Variants in KCNQ3 observed in about 807,000 individuals in gnomAD.
The protein encoded by KCNQ3 is potassium voltage-gated channel subfamily Q member 3.
Under a neutral mutation model 92.5 loss-of-function variants are expected in KCNQ3, and 30 were observed. The observed-to-expected ratio is 0.32, with a 90% CI of 0.24 to 0.44. The LOEUF (loss-of-function observed/expected upper bound fraction) is 0.44. KCNQ3 is among the 20% of genes least tolerant of loss of function. The probability of loss-of-function intolerance (pLI) is 1.00; values close to 1 mark genes in which losing one functional copy is unlikely to be tolerated. For missense variants in KCNQ3, 913 were observed against 1,140.3 expected (o/e 0.80, Z 2.87); for synonymous variants, 450 against 468.8 (o/e 0.96, Z 0.52).
At chr8:132,147,681 G>A (rs1295976385) in intron 9 of KCNQ3, among the ~76,000 whole-genome samples, 3 of 152,134 alleles carry the variant, frequency 2.0e-5, no homozygotes, top group Non-Finnish European at 4.4e-5. Flanking sequence ...GATGGATAAT[G>A]GATATATGGA....
intron 1 of KCNQ3, among the ~76,000 whole-genome samples, chr8:132,221,767 C>G (rs1265460189): frequency 2.6e-5 from 4 of 152,154 alleles, no homozygotes; most frequent in Non-Finnish European, 4.4e-5. Flanking sequence ...CACCACACAT[C>G]TACAACCATC....
At position 132,480,637 on chromosome 8, in the gene KCNQ3, A is replaced by T; in HGVS notation, c.-105T>A. On this transcript the variant is annotated 5_prime_UTR_variant, in exon 1 of 15. Coordinates refer to ENST00000388996, the MANE Select transcript of KCNQ3 (RefSeq NM_004519.4). ...CGGCGGCGGCGGCTGCAAGCCCGGG[A>T]ACTCCAATGCCATGATCCGCGCGCC... The T allele has an allele frequency of 8.7e-7, 1 of 1,148,596 alleles. No individual in the cohort carries two copies. 71.2% of individuals were successfully genotyped at this position (1,148,596 alleles called of 1,614,324 possible).
intron 1 of KCNQ3, among the ~76,000 whole-genome samples, chr8:132,409,672 G>A (rs768366228): frequency 2.6e-5 from 4 of 152,126 alleles, no homozygotes; most frequent in Non-Finnish European, 5.9e-5. Context: ...GTTGAATACT[G>A]AACACCTCAC....
rs945587124 is a variant in KCNQ3 at position 132,187,701 on chromosome 8, A to G, written c.387-1520T>C. On this transcript the variant is annotated intron_variant, in intron 1 of 14. Transcript: ENST00000388996. The stretch of plus-strand genomic sequence containing the variant: ...TGGTGATTATGATGGTTGTGATGAT[A>G]GTGGTGGTGGTGGTGGTGATGGTGG... Among the ~76,000 whole-genome samples, 264 of 65,532 alleles carry G rather than the reference A, an allele frequency of 4.0e-3. 6 individuals are homozygous for G. Among genetic ancestry groups the G allele is most frequent in the Non-Finnish European group, 5.6e-3 (179 of 32,128 alleles). 43.0% of individuals were successfully genotyped at this position (65,532 alleles called of 152,430 possible).
chr8:132,352,977 A>C (rs1818917359), intron 1 of KCNQ3, among the ~76,000 whole-genome samples: 1 of 152,226 alleles, frequency 6.6e-6, no homozygotes, highest in African/African-American at 2.4e-5. Flanking sequence ...TTTTAATCCC[A>C]GCACTTTGGG....
intron 1 of KCNQ3, among the ~76,000 whole-genome samples, chr8:132,290,390 C>T (rs772208532): frequency 2.2e-4 from 33 of 152,280 alleles, no homozygotes; most frequent in Non-Finnish European, 4.6e-4. Context: ...ATCTCAAGAA[C>T]AACGAAACTC....
At chr8:132,135,417 C>A (rs764876553) in intron 12 of KCNQ3, among the ~76,000 whole-genome samples, 6 of 152,044 alleles carry the variant, frequency 3.9e-5, no homozygotes, top group Non-Finnish European at 7.4e-5. Context: ...AGACTATGCA[C>A]CCTGAAACAG....
chr8:132,333,468 G>A (rs368032671), intron 1 of KCNQ3, among the ~76,000 whole-genome samples: 2 of 152,120 alleles, frequency 1.3e-5, no homozygotes, highest in Non-Finnish European at 2.9e-5. Flanking sequence ...TAAGGAAGCC[G>A]ATTTCCCTTT....
intron 1 of KCNQ3, among the ~76,000 whole-genome samples, chr8:132,339,589 C>T (rs945803423): frequency 3.9e-5 from 6 of 152,226 alleles, no homozygotes; most frequent in South Asian, 4.2e-4. Flanking sequence ...GGCATGGTGG[C>T]GGATGCCTGT....
intron 1 of KCNQ3, among the ~76,000 whole-genome samples, chr8:132,414,443 C>G (rs1298067607): frequency 5.9e-5 from 9 of 152,172 alleles, no homozygotes; most frequent in Non-Finnish European, 1.0e-4. Flanking sequence ...CTCGCCAGCC[C>G]AAGGCATGTC....
At chr8:132,182,259 C>A (rs766933768) in intron 3 of KCNQ3, among the ~76,000 whole-genome samples, 1 of 152,142 alleles carries the variant, frequency 6.6e-6, no homozygotes, top group Non-Finnish European at 1.5e-5. Context: ...CAAAAGAACA[C>A]CAAGATGTGT....
chr8:132,283,245 G>A (rs1022736138), intron 1 of KCNQ3, among the ~76,000 whole-genome samples: 4 of 118,356 alleles, frequency 3.4e-5, no homozygotes, highest in Non-Finnish European at 5.7e-5. Flanking sequence ...GTAAATGGAG[G>A]CTCAGAGAGG....
chr8:132,361,450 T>A (rs1480143126), intron 1 of KCNQ3, among the ~76,000 whole-genome samples: 1 of 152,224 alleles, frequency 6.6e-6, no homozygotes, highest in African/African-American at 2.4e-5. Flanking sequence ...TTTTTTATCA[T>A]CTGAATTTCT....
At chr8:132,442,462 G>A (rs1333493546) in intron 1 of KCNQ3, among the ~76,000 whole-genome samples, 1 of 152,158 alleles carries the variant, frequency 6.6e-6, no homozygotes, top group African/African-American at 2.4e-5. Flanking sequence ...GAACCATTTG[G>A]TGTGGGTTCC....
intron 1 of KCNQ3, among the ~76,000 whole-genome samples, chr8:132,266,609 C>A (rs1475698528): frequency 6.6e-6 from 1 of 151,838 alleles, no homozygotes; most frequent in Non-Finnish European, 1.5e-5. Flanking sequence ...ACACACCTCC[C>A]CACTCTTTCC....
chr8:132,132,661 A>AG (rs3837191), intron 13 of KCNQ3, among the ~76,000 whole-genome samples: 60,727 of 152,006 alleles, frequency 0.4, 13,253 homozygotes, highest in Non-Finnish European at 0.5. Context: ...CAGGTGGAGA[A>AG]GGGGTCATCT....
At chr8:132,451,713 T>C (rs1821824884) in intron 1 of KCNQ3, among the ~76,000 whole-genome samples, 1 of 152,050 alleles carries the variant, frequency 6.6e-6, no homozygotes, top group South Asian at 2.1e-4. Context: ...TTGCAGAGAG[T>C]CACAGCACAC....
chr8:132,470,020 G>T (rs1822261962), intron 1 of KCNQ3, among the ~76,000 whole-genome samples: 1 of 151,990 alleles, frequency 6.6e-6, no homozygotes, highest in Admixed American at 6.6e-5. Flanking sequence ...CTCTCCTGAG[G>T]TTCCTCATTT....
Position 132,134,328 on chromosome 8 carries a change from T to C in KCNQ3, c.1761A>G (p.Lys587=). The part of the protein sequence containing the change: ...PSTPKHKKSQ[K]GSAFTFPSQQ... ...GGGATGGGAAGGTGAATGCTGACCC[T>C]TTCTGAGACTTCTTGTGTTTTGGCG... Residue 587 remains lysine, a synonymous_variant, in exon 13 of 15, where the codon AAA becomes AAG. Transcript: ENST00000388996. 1.2e-6 allele frequency: 2 copies of C among 1,614,044 alleles called. No individual in the cohort carries two copies. Among genetic ancestry groups the C allele is most frequent in the Non-Finnish European group, 1.7e-6 (2 of 1,179,968 alleles).
Sources: allele counts gnomAD v4.1 joint callset (sites outside exome capture counted in the v4.1 genomes callset), GRCh38; gene constraint gnomAD v4.1.1; transcripts MANE v1.5; gene names NCBI Gene and HGNC (gene_info 2026-07-23, HGNC 2026-07-21).